ADGRL3: variants seen among roughly 807,000 people sequenced by gnomAD.
The protein encoded by ADGRL3 is calcium-independent alpha-latrotoxin receptor 3.
A neutral mutation model predicts 153.5 loss-of-function variants in ADGRL3; 62 were observed. That is an observed-to-expected ratio of 0.40 (90% CI 0.33 to 0.50). ADGRL3 has a LOEUF of 0.50. Among genes scored for constraint, ADGRL3 ranks in the 20% least tolerant of loss-of-function variants. ADGRL3 has a pLI of 0.47. For missense variants in ADGRL3, 1,641 were observed against 1,859.4 expected (o/e 0.88, Z 2.16); for synonymous variants, 710 against 672.5 (o/e 1.06, Z -0.86).
At chr4:62,050,148 C>G (rs1733330257) in intron 25 of ADGRL3, among the ~76,000 whole-genome samples, 1 of 151,766 alleles carries the variant, frequency 6.6e-6, no homozygotes, top group Admixed American at 6.6e-5. Flanking sequence ...ATTGTGCTAC[C>G]CTGGAGGCTA....
intron 5 of ADGRL3, among the ~76,000 whole-genome samples, chr4:61,660,697 G>A (rs2094569242): frequency 6.6e-6 from 1 of 152,088 alleles, no homozygotes; most frequent in Non-Finnish European, 1.5e-5. Context: ...AATAATCTTA[G>A]TAGATGGTGA....
chr4:61,373,180 A>C (rs1258284654), intron 1 of ADGRL3, among the ~76,000 whole-genome samples: 3 of 152,070 alleles, frequency 2.0e-5, no homozygotes, highest in South Asian at 4.2e-4. Context: ...TGCAGAAATC[A>C]CCCGTCTTCG....
intron 1 of ADGRL3, among the ~76,000 whole-genome samples, chr4:61,327,181 C>T (rs1033230081): frequency 4.0e-4 from 60 of 151,850 alleles, no homozygotes; most frequent in Non-Finnish European, 7.2e-4. Context: ...TGAGAGCACC[C>T]GACGGGCTTG....
intron 1 of ADGRL3, among the ~76,000 whole-genome samples, chr4:61,292,853 C>A (rs893048633): frequency 1.3e-5 from 2 of 152,090 alleles, no homozygotes; most frequent in South Asian, 4.1e-4. Context: ...GCAAATAGAA[C>A]CTTCTTGACC....
chr4:61,641,853 A>T (rs1430894882), intron 5 of ADGRL3, among the ~76,000 whole-genome samples: 3 of 148,906 alleles, frequency 2.0e-5, no homozygotes, highest in African/African-American at 7.5e-5. Flanking sequence ...GTCCCTGAGG[A>T]ATCGCCACAC....
At chr4:62,067,180 A>T (rs1008905587) in intron 25 of ADGRL3, among the ~76,000 whole-genome samples, 1 of 152,094 alleles carries the variant, frequency 6.6e-6, no homozygotes, top group Non-Finnish European at 1.5e-5. Flanking sequence ...CCTTTAAAGA[A>T]CCAAAACTGT....
chr4:61,378,928 G>A (rs1200250605), intron 1 of ADGRL3, among the ~76,000 whole-genome samples: 1 of 151,946 alleles, frequency 6.6e-6, no homozygotes, highest in Non-Finnish European at 1.5e-5. Flanking sequence ...AGTACAAATT[G>A]TCTTGGACTT....
intron 6 of ADGRL3, among the ~76,000 whole-genome samples, chr4:61,719,642 A>AC (rs1363977852): frequency 7.0e-6 from 1 of 142,600 alleles, no homozygotes; most frequent in Non-Finnish European, 1.5e-5. Context: ...TCACCCGGTC[A>AC]CCCAGGCTAG....
intron 8 of ADGRL3, among the ~76,000 whole-genome samples, chr4:61,749,786 C>A (rs944966894): frequency 4.0e-5 from 6 of 151,738 alleles, no homozygotes; most frequent in Non-Finnish European, 8.8e-5. Context: ...GTGCAGTACA[C>A]CAGCATGGCA....
intron 13 of ADGRL3, among the ~76,000 whole-genome samples, chr4:61,933,332 G>C (rs542087016): frequency 6.6e-6 from 1 of 151,374 alleles, no homozygotes; most frequent in Admixed American, 6.6e-5. Context: ...GGCATATCCT[G>C]TTGGCATTGC....
rs10434219 is a variant in ADGRL3 at position 61,732,971 on chromosome 4, C to T, written c.816C>T (p.His272=). ...GRPTTTYKLP[H]RVDGTGFVVY... ...CAACTACAACCTACAAGCTCCCTCACAGGGTGGATGGCACAGGATTTGTAG... is the reference window on the plus strand; with the variant it reads ...CAACTACAACCTACAAGCTCCCTCATAGGGTGGATGGCACAGGATTTGTAG... The change falls in exon 8 of 27, where the codon CAC becomes CAT. Residue 272 remains histidine, a synonymous_variant. Coordinates refer to ENST00000683033, the MANE Select transcript of ADGRL3 (RefSeq NM_001387552.1). The T allele has an allele frequency of 0.63, 1,023,148 of 1,613,336 alleles. 330,733 individuals are homozygous for T. The highest frequency in any genetic ancestry group is 0.92 in the East Asian group (41,036 of 44,808).
chr4:61,215,847 C>T (rs780245295), intron 1 of ADGRL3, among the ~76,000 whole-genome samples: 2 of 152,130 alleles, frequency 1.3e-5, no homozygotes, highest in African/African-American at 4.8e-5. Context: ...CCACCGCGCT[C>T]GGCCTGGAAT....
intron 8 of ADGRL3, among the ~76,000 whole-genome samples, chr4:61,747,183 C>G (rs2096675297): frequency 6.6e-6 from 1 of 151,832 alleles, no homozygotes; most frequent in Non-Finnish European, 1.5e-5. Flanking sequence ...CTGAATAGAC[C>G]AATAACAGGC....
At chr4:61,257,377 A>T (rs2092068791) in intron 1 of ADGRL3, among the ~76,000 whole-genome samples, 1 of 152,182 alleles carries the variant, frequency 6.6e-6, no homozygotes, top group Non-Finnish European at 1.5e-5. Flanking sequence ...ATTATTCAAA[A>T]CAATAGCTTT....
In ADGRL3 at chr4:61,398,046, G is replaced by A. The variant is rs142179515; in HGVS notation, c.-174+14857G>A. 1.4e-3 allele frequency among the ~76,000 whole-genome samples: 217 copies of A among 151,984 alleles called. 1 individual carries two copies. The highest frequency in any genetic ancestry group is 5.1e-3 in the African/African-American group (210 of 41,540). On this transcript the variant is annotated intron_variant, in intron 2 of 26. Coordinates refer to ENST00000683033, the MANE Select transcript of ADGRL3 (RefSeq NM_001387552.1). ...TCACACTCACTAGGCTAGACTCTGA[G>A]TGATGAAATAATAAAGCGATATTGG...
At chr4:61,811,300 A>C (rs1465443905) in intron 8 of ADGRL3, among the ~76,000 whole-genome samples, 1 of 152,118 alleles carries the variant, frequency 6.6e-6, no homozygotes, top group African/African-American at 2.4e-5. Context: ...TTTAGGAAAA[A>C]GGAGTAAAGT....
intron 8 of ADGRL3, among the ~76,000 whole-genome samples, chr4:61,772,327 G>A (rs1428168533): frequency 6.6e-6 from 1 of 152,164 alleles, no homozygotes; most frequent in Non-Finnish European, 1.5e-5. Context: ...GTCAGTGGCA[G>A]CCCCAGAGTT....
intron 2 of ADGRL3, among the ~76,000 whole-genome samples, chr4:61,471,429 GATAA>G (rs966474981): frequency 2.0e-5 from 3 of 151,740 alleles, no homozygotes; most frequent in East Asian, 3.9e-4. Flanking sequence ...ATAGTATACA[GATAA>G]ATAAATAGTT....
chr4:62,036,426 G>A lies in ADGRL3; in HGVS notation c.3592-1305G>A, dbSNP rs78948645. 3.8e-3 allele frequency among the ~76,000 whole-genome samples: 571 copies of A among 152,080 alleles called. 4 individuals are homozygous for A. Among genetic ancestry groups the A allele is most frequent in the African/African-American group, 0.013 (552 of 41,502 alleles). ...CTCCTCTTCTATGCTTGAGTCACCT[G>A]ACCCTATCTCTATCATTTTTCTTAT... On this transcript the variant is annotated intron_variant, in intron 23 of 26. Transcript: ENST00000683033.
Sources: allele counts gnomAD v4.1 joint callset (sites outside exome capture counted in the v4.1 genomes callset), GRCh38; gene constraint gnomAD v4.1.1; transcripts MANE v1.5; gene names NCBI Gene and HGNC (gene_info 2026-07-23, HGNC 2026-07-21).